The following LRRIQ3 variants were observed in gnomAD, a reference collection of about 807,000 sequenced individuals.
The protein encoded by LRRIQ3 is leucine-rich repeat and IQ domain-containing protein 3.
A neutral mutation model predicts 59.3 loss-of-function variants in LRRIQ3; 75 were observed. The observed-to-expected ratio is 1.26, with a 90% CI of 1.05 to 1.53. The LOEUF (loss-of-function observed/expected upper bound fraction) is 1.53. Among genes scored for constraint, LRRIQ3 ranks in the 40% most tolerant of loss-of-function variants. LRRIQ3 has a pLI of 0.00. For synonymous variants in LRRIQ3, 250 were observed against 231.3 expected (o/e 1.08, Z -0.73); for missense variants, 831 against 710.0 (o/e 1.17, Z -1.94).
At chr1:74,114,661 G>C (rs931609551) in intron 4 of LRRIQ3, among the ~76,000 whole-genome samples, 2 of 151,758 alleles carry the variant, frequency 1.3e-5, no homozygotes, top group Admixed American at 6.6e-5. Context: ...GCATGAACCA[G>C]GAGGCGGAGC....
intron 5 of LRRIQ3, among the ~76,000 whole-genome samples, chr1:74,086,018 CAACA>C (rs543526428): frequency 3.3e-5 from 5 of 152,028 alleles, no homozygotes; most frequent in East Asian, 1.9e-4. Context: ...GCTACTAAAT[CAACA>C]AACAGAGACC....
chr1:74,117,498 G>A (rs142879564), intron 4 of LRRIQ3, among the ~76,000 whole-genome samples: 1 of 152,152 alleles, frequency 6.6e-6, no homozygotes, highest in Non-Finnish European at 1.5e-5. Flanking sequence ...TAGTGAGGTG[G>A]CTCATGCCTG....
chr1:74,098,387 C>G (rs759952662), intron 5 of LRRIQ3, among the ~76,000 whole-genome samples: 5 of 152,084 alleles, frequency 3.3e-5, no homozygotes, highest in Non-Finnish European at 5.9e-5. Flanking sequence ...AATACAGGAG[C>G]ACCCAGATTC....
intron 6 of LRRIQ3, among the ~76,000 whole-genome samples, chr1:74,059,617 C>T (rs1404215262): frequency 1.3e-5 from 2 of 152,006 alleles, no homozygotes; most frequent in Non-Finnish European, 2.9e-5. Context: ...CAGTAAGTTT[C>T]AAATCAGGAA....
At chr1:74,027,925 A>T (rs557431740) in intron 7 of LRRIQ3, among the ~76,000 whole-genome samples, 2 of 152,176 alleles carry the variant, frequency 1.3e-5, no homozygotes, top group East Asian at 1.9e-4. Flanking sequence ...TTGAGTAAAA[A>T]CTTGGTAAAT....
chr1:74,063,083 TCAAAA>T (rs796862229), intron 6 of LRRIQ3, among the ~76,000 whole-genome samples: 132 of 104,660 alleles, frequency 1.3e-3, no homozygotes, highest in African/African-American at 4.0e-3. Context: ...ACAAAAAAAA[TCAAAA>T]CAAAACAAAA....
intron 6 of LRRIQ3, among the ~76,000 whole-genome samples, chr1:74,057,221 A>C (rs981584088): frequency 6.6e-6 from 1 of 152,128 alleles, no homozygotes; most frequent in South Asian, 2.1e-4. Context: ...ATAGAAAAAA[A>C]TTCCCCAAAT....
rs534356660 is a variant in LRRIQ3, at chr1:74,131,268, A to G, written c.708-21715T>C. ...GACCAAAAAAAGTCCAGGACCAGAC[A>G]GATTCACAGCCGAATTCTACTAGAC... On this transcript the variant is annotated intron_variant, in intron 4 of 7. Coordinates refer to ENST00000354431, the MANE Select transcript of LRRIQ3 (RefSeq NM_001105659.2). 7.2e-5 allele frequency among the ~76,000 whole-genome samples: 11 copies of G among 152,224 alleles called. No individual in the cohort carries two copies. The South Asian group carries it at 1.0e-3, about 14-fold the overall frequency.
chr1:74,109,536 T>G lies in LRRIQ3; in HGVS notation c.725A>C (p.Lys242Thr). The change falls in exon 5 of 8, where the codon AAA becomes ACA. Residue 242 changes from lysine to threonine, a missense_variant. Physicochemically the swap from Lys to Thr is moderately conservative, Grantham distance 78 (BLOSUM62 -1). Coordinates refer to ENST00000354431, the MANE Select transcript of LRRIQ3 (RefSeq NM_001105659.2). ...RKNLSPVFFH[K>T]KKQQEKIIRG... is the part of the protein sequence containing the mutation. ...AATAATTTTTTCCTGCTGTTTTTTT[T>G]TGTGGAAAAACACAGGGCTGAATAT... 1 of 1,562,408 alleles carries G rather than the reference T, an allele frequency of 6.4e-7. No individual in the cohort carries two copies. The highest frequency in any genetic ancestry group is 2.3e-5 in the East Asian group (1 of 43,012).
chr1:74,051,617 A>G (rs1654371728), intron 6 of LRRIQ3, among the ~76,000 whole-genome samples: 1 of 152,048 alleles, frequency 6.6e-6, no homozygotes, highest in African/African-American at 2.4e-5. Context: ...CCCCAAACAG[A>G]AACCCCATAC....
intron 6 of LRRIQ3, among the ~76,000 whole-genome samples, chr1:74,049,355 G>A (rs1001921642): frequency 1.2e-4 from 19 of 152,280 alleles, no homozygotes; most frequent in African/African-American, 4.6e-4. Context: ...GAAGACAATG[G>A]ATTTGAATGT....
chr1:74,150,419 T>C (rs1175882185), intron 4 of LRRIQ3, among the ~76,000 whole-genome samples: 1 of 152,168 alleles, frequency 6.6e-6, no homozygotes, highest in Non-Finnish European at 1.5e-5. Context: ...TCAAATTTAC[T>C]AAAGCTTCAG....
rs1379872187 is a variant in LRRIQ3, at chr1:74,123,747, T to C, written c.708-14194A>G. Among the ~76,000 whole-genome samples, 5 of 152,034 alleles carry C rather than the reference T, an allele frequency of 3.3e-5. No individual in the cohort carries two copies. In the East Asian group the frequency reaches 7.7e-4, roughly 23 times the overall value. ...GGTTACTTTCAAATCTTGGCTATGG[T>C]GAATATTGCCACAATAAACATAGGA... is the stretch of plus-strand genomic sequence containing the variant. On this transcript the variant is annotated intron_variant, in intron 4 of 7. Transcript: ENST00000354431.
At chr1:74,098,323 GT>G (rs1344295857) in intron 5 of LRRIQ3, among the ~76,000 whole-genome samples, 15 of 152,150 alleles carry the variant, frequency 9.9e-5, no homozygotes, top group Non-Finnish European at 1.5e-4. Context: ...TTACAAAATT[GT>G]TAAGGGATCA....
intron 4 of LRRIQ3, among the ~76,000 whole-genome samples, chr1:74,140,289 TA>T (rs1647209867): frequency 6.6e-6 from 1 of 151,764 alleles, no homozygotes; most frequent in Non-Finnish European, 1.5e-5. Flanking sequence ...TCTGATAAAG[TA>T]AACTTTAAGC....
At chr1:74,087,889 G>C (rs926570435) in intron 5 of LRRIQ3, among the ~76,000 whole-genome samples, 1 of 151,900 alleles carries the variant, frequency 6.6e-6, no homozygotes, top group African/African-American at 2.4e-5. Context: ...ATGAGGTCAG[G>C]AGTTCAAGAC....
At chr1:74,107,619 A>G (rs1646633432) in intron 5 of LRRIQ3, among the ~76,000 whole-genome samples, 1 of 149,946 alleles carries the variant, frequency 6.7e-6, no homozygotes, top group South Asian at 2.1e-4. Flanking sequence ...GAAAGATAAT[A>G]ATAAGAGAAT....
At chr1:74,121,762 T>G (rs1646860622) in intron 4 of LRRIQ3, among the ~76,000 whole-genome samples, 1 of 114,926 alleles carries the variant, frequency 8.7e-6, no homozygotes, top group South Asian at 3.1e-4. Context: ...GGCCCCAGTG[T>G]GTGATGTTCC....
chr1:74,044,689 A>G (rs1485295860), intron 6 of LRRIQ3, among the ~76,000 whole-genome samples: 5 of 152,140 alleles, frequency 3.3e-5, no homozygotes, highest in Admixed American at 2.0e-4. Context: ...TGGATTTTTG[A>G]AAACATCAAC....
Sources: gnomAD v4.1 joint callset for allele counts (sites outside exome capture counted in the v4.1 genomes callset) on GRCh38, gnomAD v4.1.1 for gene constraint, MANE v1.5 for transcripts, NCBI Gene and HGNC (gene_info 2026-07-23, HGNC 2026-07-21) for gene names.